Variants in MARCHF1 observed in about 807,000 individuals in gnomAD.
The protein encoded by MARCHF1 is membrane associated ring-CH-type finger 1, also known as E3 ubiquitin-protein ligase MARCHF1.
MARCHF1 carries 40 observed loss-of-function variants against 54.2 expected under a neutral mutation model. The observed-to-expected ratio is 0.74, with a 90% CI of 0.57 to 0.96. The LOEUF (loss-of-function observed/expected upper bound fraction) is 0.96. MARCHF1 is among the 40% of genes least tolerant of loss of function. The pLI is 0.00. For missense variants in MARCHF1, 586 were observed against 656.5 expected (o/e 0.89, Z 1.17); for synonymous variants, 236 against 236.3 (o/e 1.00, Z 0.01).
At chr4:164,273,358 C>T (rs1733790335) in intron 1 of MARCHF1, among the ~76,000 whole-genome samples, 1 of 152,024 alleles carries the variant, frequency 6.6e-6, no homozygotes, top group Admixed American at 6.6e-5. Context: ...GGGAAACTGC[C>T]CCCATGATTC....
intron 2 of MARCHF1, among the ~76,000 whole-genome samples, chr4:164,004,108 G>A (rs1050271897): frequency 3.9e-5 from 6 of 152,088 alleles, no homozygotes; most frequent in Middle Eastern, 3.4e-3. Context: ...ACACAGGAAG[G>A]GGAACAACAC....
rs534291747 is a variant in MARCHF1 at position 163,951,848 on chromosome 4, C to T, written c.-39+36653G>A. Reference sequence around the variant, plus strand: ...CTCAATAAGCTATATATGAAGGTACCTTAGAATGATATTATCAGAAGCAGA... The same window carrying T: ...CTCAATAAGCTATATATGAAGGTACTTTAGAATGATATTATCAGAAGCAGA... On this transcript the variant is annotated intron_variant, in intron 3 of 9. Coordinates refer to ENST00000514618, the MANE Select transcript of MARCHF1 (RefSeq NM_001394959.1). Among the ~76,000 whole-genome samples, 3 of 152,160 alleles carry T rather than the reference C, an allele frequency of 2.0e-5. No individual in the cohort carries two copies. In the East Asian group the frequency reaches 5.8e-4, roughly 29 times the overall value.
intron 1 of MARCHF1, among the ~76,000 whole-genome samples, chr4:164,128,231 T>C (rs1447777325): frequency 6.6e-6 from 1 of 152,084 alleles, no homozygotes; most frequent in Non-Finnish European, 1.5e-5. Flanking sequence ...TTCCTTATAA[T>C]ATGGAGGTAT....
intron 4 of MARCHF1, among the ~76,000 whole-genome samples, chr4:163,763,206 C>T (rs1014754549): frequency 2.0e-5 from 3 of 151,912 alleles, no homozygotes; most frequent in Non-Finnish European, 4.4e-5. Context: ...CAAGGGAGGC[C>T]CTAGCAAATC....
chr4:163,644,954 C>T (rs1307308866), intron 5 of MARCHF1, among the ~76,000 whole-genome samples: 2 of 152,174 alleles, frequency 1.3e-5, no homozygotes, highest in African/African-American at 4.8e-5. Flanking sequence ...GGCTGAATGA[C>T]TTTGGTCTCA....
intron 1 of MARCHF1, chr4:164,190,124 T>C (rs1731086539): frequency 1.3e-6 from 2 of 1,525,684 alleles, no homozygotes; most frequent in African/African-American, 1.4e-5. Context: ...AGCTGGGAGG[T>C]AAACTTTCCT....
At chr4:164,259,007 AC>A (rs1227893542) in intron 1 of MARCHF1, among the ~76,000 whole-genome samples, 3 of 152,320 alleles carry the variant, frequency 2.0e-5, no homozygotes, top group African/African-American at 7.2e-5. Flanking sequence ...ATTTTAAAAA[AC>A]ATATAAAAAC....
At chr4:164,345,990 G>C (rs555197105) in intron 1 of MARCHF1, among the ~76,000 whole-genome samples, 2 of 152,050 alleles carry the variant, frequency 1.3e-5, no homozygotes, top group Non-Finnish European at 1.5e-5. Context: ...ACAAGATCAG[G>C]CTTTTACATA....
At chr4:163,693,628 A>C (rs1291958675) in intron 5 of MARCHF1, among the ~76,000 whole-genome samples, 1 of 151,402 alleles carries the variant, frequency 6.6e-6, no homozygotes, top group Non-Finnish European at 1.5e-5. Flanking sequence ...ATACTATTGC[A>C]GCATAGTTCT....
In MARCHF1 at chr4:163,637,119, G is replaced by A. The variant is rs574462704; in HGVS notation, c.163-23726C>T. Among the ~76,000 whole-genome samples the A allele has an allele frequency of 2.5e-3, 382 of 151,456 alleles. 1 individual carries two copies. The highest frequency in any genetic ancestry group is 8.7e-3 in the African/African-American group (359 of 41,280). On this transcript the variant is annotated intron_variant, in intron 5 of 9. Transcript: ENST00000514618. Reference sequence around the variant, plus strand: ...TTCAAGATGGATTAAAGACTTAAGCGTTAGACCTAAAACCATAAAAACCCT... The same window carrying A: ...TTCAAGATGGATTAAAGACTTAAGCATTAGACCTAAAACCATAAAAACCCT...
chr4:164,239,711 G>A (rs1386506072), intron 1 of MARCHF1, among the ~76,000 whole-genome samples: 1 of 152,120 alleles, frequency 6.6e-6, no homozygotes, highest in Admixed American at 6.6e-5. Flanking sequence ...GACACCTTAA[G>A]TAAGCATTAA....
intron 5 of MARCHF1, among the ~76,000 whole-genome samples, chr4:163,679,369 G>A (rs1042600654): frequency 1.3e-5 from 2 of 152,052 alleles, no homozygotes; most frequent in Admixed American, 1.3e-4. Flanking sequence ...AGAGCCTACT[G>A]CCACTTAACG....
chr4:163,963,282 T>C (rs879636143), intron 3 of MARCHF1, among the ~76,000 whole-genome samples: 3 of 151,920 alleles, frequency 2.0e-5, no homozygotes, highest in Non-Finnish European at 4.4e-5. Context: ...AAGGTCTATA[T>C]TTTTCTCAGA....
chr4:163,682,826 G>A (rs1561016759), intron 5 of MARCHF1, among the ~76,000 whole-genome samples: 1 of 152,122 alleles, frequency 6.6e-6, no homozygotes, highest in Non-Finnish European at 1.5e-5. Context: ...TAAGTTTCCT[G>A]AGGCCTCCCA....
chr4:164,069,597 G>A (rs770084893), intron 2 of MARCHF1, among the ~76,000 whole-genome samples: 1 of 152,008 alleles, frequency 6.6e-6, no homozygotes, highest in Non-Finnish European at 1.5e-5. Context: ...GTGAGACCAC[G>A]AACCCACCAG....
At chr4:163,608,434 G>A (rs1020089401) in intron 7 of MARCHF1, among the ~76,000 whole-genome samples, 32 of 152,112 alleles carry the variant, frequency 2.1e-4, no homozygotes, top group African/African-American at 7.0e-4. Context: ...CTGATAGAGC[G>A]ATCAACAGGG....
At chr4:163,922,341 T>A (rs1484276419) in intron 3 of MARCHF1, among the ~76,000 whole-genome samples, 3 of 152,164 alleles carry the variant, frequency 2.0e-5, no homozygotes, top group African/African-American at 7.2e-5. Flanking sequence ...TGTGCACATG[T>A]ACCCTAGAAC....
chr4:163,682,777 TGAA>T (rs1431018059), intron 5 of MARCHF1, among the ~76,000 whole-genome samples: 1 of 152,178 alleles, frequency 6.6e-6, no homozygotes, highest in African/African-American at 2.4e-5. Context: ...TGCTGCCATG[TGAA>T]GAAGGACATG....
At chr4:163,713,313 C>T (rs572737813) in intron 4 of MARCHF1, among the ~76,000 whole-genome samples, 14 of 152,126 alleles carry the variant, frequency 9.2e-5, no homozygotes, top group Non-Finnish European at 1.6e-4. Context: ...AGAATTATTA[C>T]TTCATATAGT....
Sources: allele counts gnomAD v4.1 joint callset (sites outside exome capture counted in the v4.1 genomes callset), GRCh38; gene constraint gnomAD v4.1.1; transcripts MANE v1.5; gene names NCBI Gene and HGNC (gene_info 2026-07-23, HGNC 2026-07-21).